Variants in SLC24A4 observed in about 807,000 individuals in gnomAD.
SLC24A4 encodes the protein solute carrier family 24 member 4, also known as sodium/potassium/calcium exchanger 4.
A neutral mutation model predicts 79.0 loss-of-function variants in SLC24A4; 53 were observed. The observed-to-expected ratio is 0.67, with a 90% confidence interval of 0.54 to 0.84. SLC24A4 has a LOEUF of 0.84. SLC24A4 is among the 40% of genes least tolerant of loss of function. The pLI, the probability that SLC24A4 is intolerant of heterozygous loss-of-function variation, is 0.00. For synonymous variants in SLC24A4, 323 were observed against 323.8 expected, an observed-to-expected ratio of 1.00 and a Z score of 0.03; for missense variants, 731 against 822.0, an observed-to-expected ratio of 0.89 and a Z score of 1.35.
chr14:92,451,693 A>C (rs1277826246), intron 10 of SLC24A4: 2 of 152,268 alleles, frequency 1.3e-5, no homozygotes, highest in Non-Finnish European at 2.9e-5. Context: ...CCACACTGAT[A>C]AAAGGCGTTT....
In SLC24A4 at chr14:92,499,471, T is replaced by G. The variant is rs1896063056; in HGVS notation, c.*5843T>G. The G allele has an allele frequency of 6.6e-6, 1 of 152,162 alleles. No homozygotes were observed. The highest frequency in any genetic ancestry group is 6.5e-5 in the Admixed American group (1 of 15,282). The allele number at this position is 152,162 out of a possible 1,614,324, so 9.4% of individuals were successfully genotyped here. On this transcript the variant is annotated 3_prime_UTR_variant, in exon 17 of 17. Coordinates refer to ENST00000532405, the MANE Select transcript of SLC24A4 (RefSeq NM_153646.4). ...TCTTAGTTATAACCCCAGTGACAAA[T>G]GCTGGCTTAAGCCACACCTGTTCCC...
intron 2 of SLC24A4, among the ~76,000 whole-genome samples, chr14:92,432,889 A>T (rs565643583): frequency 6.6e-6 from 1 of 152,256 alleles, no homozygotes; most frequent in African/African-American, 2.4e-5. Context: ...ACAAGCATTT[A>T]TCAAGCACCC....
chr14:92,444,088 G>T (rs1272141325), intron 7 of SLC24A4, among the ~76,000 whole-genome samples: 14 of 151,976 alleles, frequency 9.2e-5, no homozygotes, highest in Admixed American at 9.2e-4. Flanking sequence ...TCACGCAGTG[G>T]GAGCATGGGG....
intron 2 of SLC24A4, among the ~76,000 whole-genome samples, chr14:92,345,329 C>T (rs2141628697): frequency 6.6e-6 from 1 of 152,324 alleles, no homozygotes; most frequent in East Asian, 1.9e-4. Context: ...CCCTTCTGCG[C>T]CTCTGTTTCA....
intron 2 of SLC24A4, among the ~76,000 whole-genome samples, chr14:92,416,386 G>T (rs1362892392): frequency 1.3e-5 from 2 of 152,180 alleles, no homozygotes; most frequent in African/African-American, 4.8e-5. Context: ...AGGAAATGGT[G>T]ATCAGGTGGC....
intron 2 of SLC24A4, among the ~76,000 whole-genome samples, chr14:92,342,093 T>C (rs1231548619): frequency 3.9e-5 from 6 of 152,062 alleles, no homozygotes. Context: ...TGTTGCTGCC[T>C]CTTCCACAGT....
At chr14:92,371,183 T>C (rs1888130382) in intron 2 of SLC24A4, among the ~76,000 whole-genome samples, 1 of 151,940 alleles carries the variant, frequency 6.6e-6, no homozygotes, top group South Asian at 2.1e-4. Flanking sequence ...ACTGTAAACA[T>C]AAACGGCTCC....
chr14:92,389,109 C>G (rs1015563326), intron 2 of SLC24A4, among the ~76,000 whole-genome samples: 2 of 152,204 alleles, frequency 1.3e-5, no homozygotes, highest in African/African-American at 4.8e-5. Context: ...CCCCATCAGC[C>G]TAGGGCTGAT....
chr14:92,489,755 G>A (rs928266673), intron 14 of SLC24A4, among the ~76,000 whole-genome samples: 6 of 152,234 alleles, frequency 3.9e-5, no homozygotes, highest in South Asian at 4.2e-4. Context: ...CACAGCTGCC[G>A]GCAGCCCCGT....
At position 92,447,398 on chromosome 14, in the gene SLC24A4, G is replaced by A. The variant is rs1196196645; in HGVS notation, c.711G>A (p.Leu237=). 2 of 1,614,118 alleles carry A rather than the reference G, an allele frequency of 1.2e-6. No homozygotes were observed. The highest frequency in any genetic ancestry group is 8.5e-7 in the Non-Finnish European group (1 of 1,180,006). The part of the protein sequence containing the change: ...VWWEGLVLII[L]YVFYILIMKY... ...GGGAAGGCCTGGTGCTCATCATCTTGTATGTGTTTTATATTCTGATCATGA... is the reference window on the plus strand; with the variant it reads ...GGGAAGGCCTGGTGCTCATCATCTTATATGTGTTTTATATTCTGATCATGA... The change falls in exon 9 of 17, where the codon TTG becomes TTA. Residue 237 remains leucine (L), a synonymous_variant. Transcript: ENST00000532405.
At position 92,500,716 on chromosome 14, in the gene SLC24A4, T is replaced by C. The variant is rs543322210; in HGVS notation, c.*7088T>C. 2 of 152,380 alleles carry C rather than the reference T, an allele frequency of 1.3e-5. No individual in the cohort carries two copies. The highest frequency in any genetic ancestry group is 1.9e-4 in the East Asian group (1 of 5,196). 9.4% of individuals were successfully genotyped at this position (152,380 alleles called of 1,614,324 possible). On this transcript the variant is annotated 3_prime_UTR_variant, in exon 17 of 17. Coordinates refer to ENST00000532405, the MANE Select transcript of SLC24A4 (RefSeq NM_153646.4). The stretch of plus-strand genomic sequence containing the variant: ...CTCTTGGGGAGCTCCACAGTGGGGG[T>C]TGCTGGTCTGTGAGGCTGAGTCTCC...
rs1011045650 is a variant in SLC24A4 at position 92,323,450 on chromosome 14, G to A, written c.-381G>A. On this transcript the variant is annotated 5_prime_UTR_variant, in exon 1 of 17. Coordinates refer to ENST00000532405, the MANE Select transcript of SLC24A4 (RefSeq NM_153646.4). The surrounding 1 kb of genome is among the most constrained non-coding windows in gnomAD (Gnocchi z 4.9). ...GGGCGCACTGAGTGCTCCCTACGGCGCTGCTGCCAGGGCTGTGGCCGGGCG... is the reference window on the plus strand; with the variant it reads ...GGGCGCACTGAGTGCTCCCTACGGCACTGCTGCCAGGGCTGTGGCCGGGCG... 1.3e-5 allele frequency among the ~76,000 whole-genome samples: 2 copies of A among 151,704 alleles called. No individual in the cohort carries two copies. Among genetic ancestry groups the A allele is most frequent in the African/African-American group, 4.8e-5 (2 of 41,372 alleles).
rs1236984625 is a variant in SLC24A4 at position 92,386,366 on chromosome 14, T to C, written c.242-47546T>C. 3.3e-5 allele frequency among the ~76,000 whole-genome samples: 5 copies of C among 152,168 alleles called. No individual in the cohort carries two copies. The South Asian group carries it at 1.0e-3, about 32-fold the overall frequency. ...AAAATGGGACCATAACAGACCTACC[T>C]TCTGAGGTCACAGTGCAGATCAACT... On this transcript the variant is annotated intron_variant, in intron 2 of 16. Coordinates refer to ENST00000532405, the MANE Select transcript of SLC24A4 (RefSeq NM_153646.4).
intron 2 of SLC24A4, among the ~76,000 whole-genome samples, chr14:92,331,466 A>G (rs1449726130): frequency 6.6e-6 from 1 of 152,060 alleles, no homozygotes; most frequent in Non-Finnish European, 1.5e-5. Flanking sequence ...TATTTTTAGT[A>G]GAGACAGGGT....
chr14:92,453,664 C>A (rs1359790014), intron 10 of SLC24A4: 1 of 475,606 alleles, frequency 2.1e-6, no homozygotes, highest in Non-Finnish European at 3.7e-6. Context: ...CACGAGTGGT[C>A]CTGGAGCAAG....
rs1220776314 is a variant in SLC24A4, at chr14:92,468,916, GTGTGTGTGTGTGTGTGTGTC to G, written c.1255+12309_1255+12328del. 3.3e-3 allele frequency among the ~76,000 whole-genome samples: 370 copies of G among 110,502 alleles called. 8 individuals are homozygous for G. Among genetic ancestry groups the G allele is most frequent in the Admixed American group, 0.026 (264 of 10,024 alleles). 72.5% of individuals were successfully genotyped at this position (110,502 alleles called of 152,430 possible). On this transcript the variant is annotated intron_variant, in intron 12 of 16. Coordinates refer to ENST00000532405, the MANE Select transcript of SLC24A4 (RefSeq NM_153646.4). The stretch of plus-strand genomic sequence containing the variant: ...TCTGTGTGTGTGTGTGTGTGTGTGT[GTGTGTGTGTGTGTGTGTGTC>G]ACTTAAAACTCAACAATAAAAGACA...
chr14:92,411,276 T>C (rs1180153207), intron 2 of SLC24A4, among the ~76,000 whole-genome samples: 2 of 152,176 alleles, frequency 1.3e-5, no homozygotes, highest in East Asian at 3.8e-4. Flanking sequence ...GGAGCCTCTG[T>C]TGAGGACACT....
chr14:92,412,294 T>G (rs1488521724), intron 2 of SLC24A4, among the ~76,000 whole-genome samples: 4 of 152,176 alleles, frequency 2.6e-5, no homozygotes, highest in Admixed American at 1.3e-4. Flanking sequence ...GAGCCTGCTG[T>G]CTCTCAGCTG....
chr14:92,390,872 C>T (rs1427325832), intron 2 of SLC24A4, among the ~76,000 whole-genome samples: 3 of 152,304 alleles, frequency 2.0e-5, no homozygotes, highest in Non-Finnish European at 2.9e-5. Flanking sequence ...AGGGTCTTAG[C>T]ACAATAAAGG....
Sources: gnomAD v4.1 joint callset for allele counts (sites outside exome capture counted in the v4.1 genomes callset) on GRCh38, gnomAD v4.1.1 for gene constraint, Gnocchi (gnomAD v3.1) non-coding constraint, MANE v1.5 for transcripts, NCBI Gene and HGNC (gene_info 2026-07-23, HGNC 2026-07-21) for gene names.